The following GJA1 variants were observed in gnomAD, a reference collection of about 807,000 sequenced individuals.
GJA1 encodes the protein gap junction alpha-1 protein.
In GJA1, 9 loss-of-function variants were observed where a neutral mutation model predicts 31.0. That is an observed-to-expected ratio of 0.29 (90% CI 0.17 to 0.51). The LOEUF is 0.51. GJA1 is among the 20% of genes least tolerant of loss of function. The pLI is 0.98. For missense variants in GJA1, 278 were observed against 468.8 expected, an observed-to-expected ratio of 0.59 and a Z score of 3.76; for synonymous variants, 186 against 180.1, an observed-to-expected ratio of 1.03 and a Z score of -0.26.
intron 1 of GJA1, among the ~76,000 whole-genome samples, chr6:121,439,193 G>A (rs1400193584): frequency 6.6e-6 from 1 of 152,062 alleles, no homozygotes; most frequent in East Asian, 1.9e-4. Context: ...TTGCTGTTTT[G>A]CTAAAGAAAA....
In GJA1 at chr6:121,447,931, C is replaced by G. The variant is rs1413858201; in HGVS notation, c.1084C>G (p.Arg362Gly). Residue 362 changes from arginine to glycine, a missense_variant, in exon 2 of 2, where the codon CGA becomes GGA. Transcript: ENST00000282561. Reference sequence around the variant, plus strand: ...ACAGCCACTAGCCATTGTGGACCAGCGACCTTCAAGCAGAGCCAGCAGTCG... The same window carrying G: ...ACAGCCACTAGCCATTGTGGACCAGGGACCTTCAAGCAGAGCCAGCAGTCG... The part of the protein sequence containing the change: ...ELQPLAIVDQ[R>G]PSSRASSRAS... The G allele has an allele frequency of 1.9e-6, 3 of 1,613,726 alleles. No homozygotes were observed. The South Asian group carries it at 3.3e-5, about 18-fold the overall frequency.
chr6:121,445,707 G>A lies in GJA1; in HGVS notation c.-16-1125G>A, dbSNP rs1453238516. ...GAACTTTTTACATGAAGTGTGATGT[G>A]TATTTAGTCTTTGTTTTTCAAAGTA... On this transcript the variant is annotated intron_variant, in intron 1 of 1. Transcript: ENST00000282561. 2.6e-5 allele frequency among the ~76,000 whole-genome samples: 4 copies of A among 152,170 alleles called. No individual in the cohort carries two copies. The East Asian group carries it at 7.7e-4, about 29-fold the overall frequency.
At chr6:121,444,788 A>G (rs1429266552) in intron 1 of GJA1, among the ~76,000 whole-genome samples, 1 of 152,216 alleles carries the variant, frequency 6.6e-6, no homozygotes, top group Non-Finnish European at 1.5e-5. Flanking sequence ...ATCTTTGACT[A>G]ATTTGTCCTT....
chr6:121,440,389 A>C (rs1412986765), intron 1 of GJA1, among the ~76,000 whole-genome samples: 1 of 152,060 alleles, frequency 6.6e-6, no homozygotes, highest in Non-Finnish European at 1.5e-5. Context: ...AAGCCTGTCA[A>C]ATTTAGCAGT....
intron 1 of GJA1, among the ~76,000 whole-genome samples, chr6:121,436,914 C>A (rs1773673349): frequency 6.6e-6 from 1 of 152,192 alleles, no homozygotes; most frequent in Admixed American, 6.5e-5. Flanking sequence ...CCATTCTGTT[C>A]ATCAGAAATG....
chr6:121,438,928 C>A (rs1773717096), intron 1 of GJA1, among the ~76,000 whole-genome samples: 1 of 151,890 alleles, frequency 6.6e-6, no homozygotes. Flanking sequence ...TTTAATACAT[C>A]AGTGGCTTAT....
In GJA1 at chr6:121,448,062, G is replaced by C. The variant is rs1351449532; in HGVS notation, c.*66G>C. On this transcript the variant is annotated 3_prime_UTR_variant, in exon 2 of 2. Coordinates refer to ENST00000282561, the MANE Select transcript of GJA1 (RefSeq NM_000165.5). ...GAAGAAAAAAGGTGCTGTAGAAAGT[G>C]CACCAGGTGTTAATTTTGATCCGGT... The C allele has an allele frequency of 1.1e-5, 16 of 1,402,442 alleles. No individual in the cohort carries two copies. The highest frequency in any genetic ancestry group is 1.6e-5 in the Non-Finnish European group (16 of 988,384). 86.9% of individuals were successfully genotyped at this position (1,402,442 alleles called of 1,614,324 possible). A position where few individuals can be genotyped will look rare whatever the true frequency, so the allele number is the denominator to read the frequency against.
intron 1 of GJA1, among the ~76,000 whole-genome samples, chr6:121,439,818 C>G (rs916623150): frequency 6.6e-6 from 1 of 152,146 alleles, no homozygotes; most frequent in East Asian, 1.9e-4. Flanking sequence ...CAAATACCTA[C>G]ACAAATGTGC....
chr6:121,444,997 G>A (rs1773861950), intron 1 of GJA1, among the ~76,000 whole-genome samples: 1 of 152,072 alleles, frequency 6.6e-6, no homozygotes, highest in Non-Finnish European at 1.5e-5. Context: ...ACTTGCCCGG[G>A]GATTGTGAAT....
chr6:121,447,597 C>T lies in GJA1; in HGVS notation c.750C>T (p.Thr250=), dbSNP rs1242193990. ...GAAAGAGCGACCCTTACCATGCGACCAGTGGTGCGCTGAGCCCTGCCAAAG... is the reference window on the plus strand; with the variant it reads ...GAAAGAGCGACCCTTACCATGCGACTAGTGGTGCGCTGAGCCCTGCCAAAG... ...VKGKSDPYHA[T]SGALSPAKDC... Residue 250 remains threonine, a synonymous_variant, in exon 2 of 2, where the codon ACC becomes ACT. Coordinates refer to ENST00000282561, the MANE Select transcript of GJA1 (RefSeq NM_000165.5). The T allele has an allele frequency of 6.2e-7, 1 of 1,613,290 alleles. No homozygotes were observed. Among genetic ancestry groups the T allele is most frequent in the Non-Finnish European group, 8.5e-7 (1 of 1,179,840 alleles).
chr6:121,448,589 G>A lies in GJA1; in HGVS notation c.*593G>A, dbSNP rs1435278533. The A allele has an allele frequency of 2.3e-5, 4 of 170,282 alleles. No individual in the cohort carries two copies. Among genetic ancestry groups the A allele is most frequent in the African/African-American group, 9.6e-5 (4 of 41,538 alleles). 10.5% of individuals were successfully genotyped at this position (170,282 alleles called of 1,614,324 possible). On this transcript the variant is annotated 3_prime_UTR_variant, in exon 2 of 2. Transcript: ENST00000282561. ...ATTCTTGGTATCAGTTTAAAATTCA[G>A]ACAAGGCCCACAGAATAAGATTTTC...
intron 1 of GJA1, among the ~76,000 whole-genome samples, chr6:121,444,796 C>T (rs1442443569): frequency 6.6e-5 from 10 of 152,100 alleles, no homozygotes; most frequent in Non-Finnish European, 1.0e-4. Flanking sequence ...CTAATTTGTC[C>T]TTTTCTAAAT....
At position 121,445,891 on chromosome 6, in the gene GJA1, G is replaced by A. The variant is rs1227385847; in HGVS notation, c.-16-941G>A. On this transcript the variant is annotated intron_variant, in intron 1 of 1. Transcript: ENST00000282561. ...AGGCTAAGGCAGGAGGATTTCTTGA[G>A]CCCAGGGGCCTGGGCAACATAGTGA... Among the ~76,000 whole-genome samples the A allele has an allele frequency of 2.6e-5, 4 of 152,206 alleles. No homozygotes were observed. In the East Asian group the frequency reaches 7.8e-4, roughly 29 times the overall value.
At chr6:121,437,095 G>A (rs1261887398) in intron 1 of GJA1, among the ~76,000 whole-genome samples, 1 of 152,218 alleles carries the variant, frequency 6.6e-6, no homozygotes, top group Non-Finnish European at 1.5e-5. Context: ...CCGGACGGGC[G>A]CGGGGCGCCT....
At chr6:121,437,805 T>G (rs916362967) in intron 1 of GJA1, among the ~76,000 whole-genome samples, 9 of 152,172 alleles carry the variant, frequency 5.9e-5, no homozygotes, top group African/African-American at 2.2e-4. Context: ...ACGGTTGAAT[T>G]TCTTTTGCTT....
At chr6:121,436,769 CT>C (rs1773670526) in intron 1 of GJA1, among the ~76,000 whole-genome samples, 1 of 152,222 alleles carries the variant, frequency 6.6e-6, no homozygotes, top group Non-Finnish European at 1.5e-5. Context: ...CGCCCCGCAC[CT>C]TCCCTCTGCT....
At chr6:121,438,719 T>G (rs963037287) in intron 1 of GJA1, among the ~76,000 whole-genome samples, 1 of 152,204 alleles carries the variant, frequency 6.6e-6, no homozygotes, top group Non-Finnish European at 1.5e-5. Context: ...AATTATCTAG[T>G]GTTTATTATT....
chr6:121,441,907 A>T (rs958584954), intron 1 of GJA1, among the ~76,000 whole-genome samples: 1 of 152,170 alleles, frequency 6.6e-6, no homozygotes, highest in African/African-American at 2.4e-5. Context: ...AGAGGTTATT[A>T]TAAAAGTGAA....
chr6:121,437,781 G>A (rs1032423935), intron 1 of GJA1, among the ~76,000 whole-genome samples: 3 of 152,152 alleles, frequency 2.0e-5, no homozygotes, highest in Non-Finnish European at 2.9e-5. Flanking sequence ...AAGAAGCGTG[G>A]CTTTATTTGG....
Sources: allele counts gnomAD v4.1 joint callset (sites outside exome capture counted in the v4.1 genomes callset), GRCh38; gene constraint gnomAD v4.1.1; transcripts MANE v1.5; gene names NCBI Gene and HGNC (gene_info 2026-07-23, HGNC 2026-07-21).